RCAN2: variants seen among roughly 807,000 people sequenced by gnomAD.
The protein encoded by RCAN2 is regulator of calcineurin 2, also known as calcipressin-2.
A neutral mutation model predicts 23.6 loss-of-function variants in RCAN2; 9 were observed. The ratio of observed to expected loss-of-function variants is 0.38; its 90% confidence interval spans 0.23 to 0.67. The LOEUF (loss-of-function observed/expected upper bound fraction) is 0.67. Among genes scored for constraint, RCAN2 ranks in the 30% least tolerant of loss-of-function variants. The pLI is 0.51. For synonymous variants in RCAN2, 109 were observed against 115.7 expected, an observed-to-expected ratio of 0.94 and a Z score of 0.37; for missense variants, 273 against 302.3, an observed-to-expected ratio of 0.90 and a Z score of 0.72.
intron 1 of RCAN2, among the ~76,000 whole-genome samples, chr6:46,463,365 T>C (rs1768279021): frequency 6.6e-6 from 1 of 152,232 alleles, no homozygotes; most frequent in African/African-American, 2.4e-5. Context: ...TTTAATTTCA[T>C]ATAAGGAGCC....
At chr6:46,276,150 G>A (rs571858617) in intron 2 of RCAN2, among the ~76,000 whole-genome samples, 1 of 152,258 alleles carries the variant, frequency 6.6e-6, no homozygotes, top group Admixed American at 6.5e-5. Flanking sequence ...AGGTTGCATT[G>A]AGCTGAGTAA....
rs191099948 is a variant in RCAN2, at chr6:46,356,425, T to C, written c.225+100327A>G. On this transcript the variant is annotated intron_variant, in intron 2 of 4. Coordinates refer to ENST00000371374, the MANE Select transcript of RCAN2 (RefSeq NM_001251974.2). Reference sequence around the variant, plus strand: ...AGCTACCCTCTGAGATTTGGACTTATTGGTCTGGAGGGAAACCTGGAGGGT... The same window carrying C: ...AGCTACCCTCTGAGATTTGGACTTACTGGTCTGGAGGGAAACCTGGAGGGT... 3.9e-5 allele frequency among the ~76,000 whole-genome samples: 6 copies of C among 152,314 alleles called. No homozygotes were observed. The East Asian group carries it at 7.7e-4, about 20-fold the overall frequency.
rs190037615 is a variant in RCAN2 at position 46,401,968 on chromosome 6, C to T, written c.225+54784G>A. Reference sequence around the variant, plus strand: ...AGCTCAGCCTAAGCAGGCCTGGATGCAAAGCCCATGTCATGGCAGGTCAGC... The same window carrying T: ...AGCTCAGCCTAAGCAGGCCTGGATGTAAAGCCCATGTCATGGCAGGTCAGC... On this transcript the variant is annotated intron_variant, in intron 2 of 4. Coordinates refer to ENST00000371374, the MANE Select transcript of RCAN2 (RefSeq NM_001251974.2). Among the ~76,000 whole-genome samples, 317 of 152,284 alleles carry T rather than the reference C, an allele frequency of 2.1e-3. 2 individuals are homozygous for T. The highest frequency in any genetic ancestry group is 7.2e-3 in the African/African-American group (298 of 41,558).
chr6:46,247,270 C>T (rs1364515409), intron 3 of RCAN2, among the ~76,000 whole-genome samples: 1 of 152,150 alleles, frequency 6.6e-6, no homozygotes, highest in Non-Finnish European at 1.5e-5. Flanking sequence ...GTCCACTGTC[C>T]CACCACGCAC....
At chr6:46,355,498 T>C (rs1259955157) in intron 2 of RCAN2, among the ~76,000 whole-genome samples, 1 of 152,200 alleles carries the variant, frequency 6.6e-6, no homozygotes, top group Non-Finnish European at 1.5e-5. Context: ...ATGTTTGTGA[T>C]AATGTCTATG....
intron 2 of RCAN2, among the ~76,000 whole-genome samples, chr6:46,387,345 T>C (rs1765784932): frequency 6.6e-6 from 1 of 152,096 alleles, no homozygotes; most frequent in Non-Finnish European, 1.5e-5. Flanking sequence ...ATTTTTGCAA[T>C]CTACTCATCT....
intron 1 of RCAN2, among the ~76,000 whole-genome samples, chr6:46,487,417 A>G (rs9472760): frequency 0.024 from 3,683 of 152,274 alleles, 163 homozygotes; most frequent in African/African-American, 0.083. Flanking sequence ...AAAGCTATGA[A>G]GTAGGAAACT....
intron 2 of RCAN2, among the ~76,000 whole-genome samples, chr6:46,277,340 G>T (rs750972017): frequency 6.6e-6 from 1 of 152,170 alleles, no homozygotes; most frequent in Non-Finnish European, 1.5e-5. Flanking sequence ...CATAGGAGGA[G>T]AAATGGCTTT....
chr6:46,320,264 C>A (rs939073125), intron 2 of RCAN2, among the ~76,000 whole-genome samples: 3 of 152,162 alleles, frequency 2.0e-5, no homozygotes, highest in Admixed American at 6.5e-5. Flanking sequence ...CCAACACCCA[C>A]CTAAGTTTCT....
At chr6:46,442,505 C>T (rs1448935588) in intron 2 of RCAN2, among the ~76,000 whole-genome samples, 2 of 152,108 alleles carry the variant, frequency 1.3e-5, no homozygotes, top group Non-Finnish European at 2.9e-5. Context: ...AAGACTGCTT[C>T]TGCTCATTTT....
At chr6:46,318,418 ATATAT>A (rs1763511514) in intron 2 of RCAN2, among the ~76,000 whole-genome samples, 2 of 152,178 alleles carry the variant, frequency 1.3e-5, no homozygotes, top group African/African-American at 4.8e-5. Context: ...TTCAGAGCTG[ATATAT>A]TAGATTCTGG....
intron 4 of RCAN2, among the ~76,000 whole-genome samples, chr6:46,241,322 G>A (rs1766297666): frequency 6.6e-6 from 1 of 152,130 alleles, no homozygotes; most frequent in Non-Finnish European, 1.5e-5. Flanking sequence ...TCTCCTCAAG[G>A]TCAGAGCCCA....
At chr6:46,386,479 G>A (rs573151802) in intron 2 of RCAN2, among the ~76,000 whole-genome samples, 14 of 151,474 alleles carry the variant, frequency 9.2e-5, no homozygotes, top group Middle Eastern at 3.4e-3. Context: ...GTGGTGGTGT[G>A]TGCTTGTAAT....
chr6:46,263,789 C>T (rs1382380144), intron 2 of RCAN2, among the ~76,000 whole-genome samples: 1 of 150,990 alleles, frequency 6.6e-6, no homozygotes, highest in African/African-American at 2.4e-5. Flanking sequence ...AATAGTTGGC[C>T]CTAAGCCATA....
At chr6:46,469,312 C>G (rs1197147716) in intron 1 of RCAN2, among the ~76,000 whole-genome samples, 1 of 152,164 alleles carries the variant, frequency 6.6e-6, no homozygotes, top group Admixed American at 6.5e-5. Context: ...AAAGAGCTGA[C>G]CCAGATTCTA....
intron 2 of RCAN2, among the ~76,000 whole-genome samples, chr6:46,312,575 T>A (rs1763298118): frequency 6.6e-6 from 1 of 152,200 alleles, no homozygotes; most frequent in African/African-American, 2.4e-5. Context: ...TAAATGTGCC[T>A]CATGAATATT....
chr6:46,477,317 G>A (rs1768742433), intron 1 of RCAN2, among the ~76,000 whole-genome samples: 1 of 152,148 alleles, frequency 6.6e-6, no homozygotes, highest in African/African-American at 2.4e-5. Context: ...AATTATTGGT[G>A]AGCTCTTCAA....
rs1380375767 is a variant in RCAN2 at position 46,368,703 on chromosome 6, A to G, written c.225+88049T>C. On this transcript the variant is annotated intron_variant, in intron 2 of 4. Coordinates refer to ENST00000371374, the MANE Select transcript of RCAN2 (RefSeq NM_001251974.2). Reference sequence around the variant, plus strand: ...GTACACTAAAAATACAGCATAAAAAATAAAAAGTGGTGCACCTGTAGAGAA... The same window carrying G: ...GTACACTAAAAATACAGCATAAAAAGTAAAAAGTGGTGCACCTGTAGAGAA... Among the ~76,000 whole-genome samples, 4 of 152,348 alleles carry G rather than the reference A, an allele frequency of 2.6e-5. No homozygotes were observed. The East Asian group carries it at 7.7e-4, about 29-fold the overall frequency.
intron 2 of RCAN2, among the ~76,000 whole-genome samples, chr6:46,387,253 G>A (rs1345415469): frequency 1.3e-5 from 2 of 152,126 alleles, no homozygotes; most frequent in African/African-American, 4.8e-5. Flanking sequence ...TTGACAAATA[G>A]GATCTAATTA....
Sources: allele counts gnomAD v4.1 joint callset (sites outside exome capture counted in the v4.1 genomes callset), GRCh38; gene constraint gnomAD v4.1.1; transcripts MANE v1.5; gene names NCBI Gene and HGNC (gene_info 2026-07-23, HGNC 2026-07-21).